Variants in CDH4 observed in about 807,000 individuals in gnomAD.
CDH4 encodes the protein cadherin 4.
Under a neutral mutation model 86.0 loss-of-function variants are expected in CDH4, and 33 were observed. The ratio of observed to expected loss-of-function variants is 0.38; its 90% CI spans 0.29 to 0.51. The LOEUF is 0.51. Ranked by LOEUF, CDH4 falls within the 20% of genes least tolerant of loss-of-function variation. The pLI, the probability that CDH4 is intolerant of heterozygous loss-of-function variation, is 0.86. For synonymous variants in CDH4, 555 were observed against 549.4 expected (o/e 1.01, Z -0.14); for missense variants, 1,114 against 1,307.4 (o/e 0.85, Z 2.28).
At chr20:61,310,759 C>T (rs567918643) in intron 2 of CDH4, among the ~76,000 whole-genome samples, 18 of 152,290 alleles carry the variant, frequency 1.2e-4, no homozygotes, top group Admixed American at 9.2e-4. Flanking sequence ...TGGGGCCTGG[C>T]TCTGTGGCCT....
At chr20:61,548,656 G>C (rs1043829215) in intron 2 of CDH4, among the ~76,000 whole-genome samples, 2 of 152,104 alleles carry the variant, frequency 1.3e-5, no homozygotes, top group East Asian at 1.9e-4. Flanking sequence ...GCCTCTAAAA[G>C]CACCCATTTT....
At chr20:61,362,150 G>A (rs2084786706) in intron 2 of CDH4, among the ~76,000 whole-genome samples, 1 of 152,212 alleles carries the variant, frequency 6.6e-6, no homozygotes, top group Non-Finnish European at 1.5e-5. Context: ...AAAGAGCCAG[G>A]AAGGCAATGA....
chr20:61,331,645 CCCG>C (rs2084578028), intron 2 of CDH4, among the ~76,000 whole-genome samples: 1 of 64,240 alleles, frequency 1.6e-5, no homozygotes, highest in Non-Finnish European at 3.6e-5. Context: ...AGACCCACCT[CCCG>C]CCCCAGCCAC....
In CDH4 at chr20:61,518,379, G is replaced by A. The variant is rs1448038493; in HGVS notation, c.170-225184G>A. Among the ~76,000 whole-genome samples the A allele has an allele frequency of 6.6e-6, 1 of 152,100 alleles. No individual in the cohort carries two copies. The highest frequency in any genetic ancestry group is 2.4e-5 in the African/African-American group (1 of 41,412). Reference sequence around the variant, plus strand: ...GAAAGGTACGTTATCAGATAGGCTGGAATTTGGCCAAATTCTCTGTTATGA... The same window carrying A: ...GAAAGGTACGTTATCAGATAGGCTGAAATTTGGCCAAATTCTCTGTTATGA... On this transcript the variant is annotated intron_variant, in intron 2 of 15. Transcript: ENST00000614565. The surrounding 1 kb of genome is among the most constrained non-coding windows in gnomAD (Gnocchi z 6.3).
intron 2 of CDH4, among the ~76,000 whole-genome samples, chr20:61,473,561 G>T (rs931900611): frequency 4.6e-5 from 7 of 152,098 alleles, no homozygotes; most frequent in African/African-American, 1.7e-4. Flanking sequence ...TTAACCAATA[G>T]AACCATAATT....
chr20:61,933,623 G>A lies in CDH4; in HGVS notation c.2380-433G>A, dbSNP rs111729589. 7.2e-3 allele frequency among the ~76,000 whole-genome samples: 1,091 copies of A among 152,036 alleles called. 13 individuals are homozygous for A. Among genetic ancestry groups the A allele is most frequent in the African/African-American group, 0.024 (1,002 of 41,460 alleles). On this transcript the variant is annotated intron_variant, in intron 14 of 15. Coordinates refer to ENST00000614565, the MANE Select transcript of CDH4 (RefSeq NM_001794.5). Reference sequence around the variant, plus strand: ...CCCCTCCCTGCCCCTCCCACAACACGACCATAACGAACGTGAGGCATGTGC... The same window carrying A: ...CCCCTCCCTGCCCCTCCCACAACACAACCATAACGAACGTGAGGCATGTGC...
At chr20:61,724,471 C>T (rs537703123) in intron 2 of CDH4, among the ~76,000 whole-genome samples, 16 of 152,218 alleles carry the variant, frequency 1.1e-4, no homozygotes, top group African/African-American at 3.4e-4. Context: ...CCCTGCACTC[C>T]CGTGGAGCCC....
chr20:61,668,226 G>T (rs982086500), intron 2 of CDH4, among the ~76,000 whole-genome samples: 1 of 152,218 alleles, frequency 6.6e-6, no homozygotes, highest in Non-Finnish European at 1.5e-5. Context: ...TTTATCTAGC[G>T]GGAGGAGCTG....
chr20:61,623,871 G>C lies in CDH4; in HGVS notation c.170-119692G>C, dbSNP rs2145778274. On this transcript the variant is annotated intron_variant, in intron 2 of 15. Transcript: ENST00000614565. This position sits in a 1 kb window ranked among gnomAD's most constrained non-coding sequence, Gnocchi z 4.4. ...AACACCCCAGAATCTGAGCAGGAAG[G>C]ACACGGTTCCTAGAGCGAGGAACAC... 6.6e-6 allele frequency among the ~76,000 whole-genome samples: 1 copy of C among 151,738 alleles called. No individual in the cohort carries two copies. Among genetic ancestry groups the C allele is most frequent in the Middle Eastern group, 3.4e-3 (1 of 294 alleles).
intron 2 of CDH4, among the ~76,000 whole-genome samples, chr20:61,304,109 G>A (rs993573623): frequency 1.3e-5 from 2 of 152,148 alleles, no homozygotes; most frequent in African/African-American, 2.4e-5. Flanking sequence ...GGAAGGAAAA[G>A]GCCAGGCATT....
chr20:61,681,491 G>A lies in CDH4; in HGVS notation c.170-62072G>A, dbSNP rs540934825. ...TGAGCTCTTGTTCTGAGGGGTGGGA[G>A]AATTAGACAATCCTTGGAACTTGAT... On this transcript the variant is annotated intron_variant, in intron 2 of 15. Transcript: ENST00000614565. This position sits in a 1 kb window ranked among gnomAD's most constrained non-coding sequence, Gnocchi z 4.5. 4.6e-5 allele frequency among the ~76,000 whole-genome samples: 7 copies of A among 152,292 alleles called. No individual in the cohort carries two copies. The highest frequency in any genetic ancestry group is 2.6e-4 in the Admixed American group (4 of 15,294).
chr20:61,536,493 A>G (rs1228640516), intron 2 of CDH4, among the ~76,000 whole-genome samples: 4 of 152,038 alleles, frequency 2.6e-5, no homozygotes, highest in Non-Finnish European at 5.9e-5. Flanking sequence ...GAGGGAGAAA[A>G]GGCTCGTGGG....
At chr20:61,419,111 G>C (rs1268696090) in intron 2 of CDH4, among the ~76,000 whole-genome samples, 2 of 152,240 alleles carry the variant, frequency 1.3e-5, no homozygotes, top group Non-Finnish European at 1.5e-5. Context: ...CAGTGGGTCA[G>C]TGTTTTGTCC....
intron 2 of CDH4, among the ~76,000 whole-genome samples, chr20:61,533,068 C>A (rs953489587): frequency 2.0e-4 from 30 of 152,116 alleles, no homozygotes; most frequent in African/African-American, 7.0e-4. Flanking sequence ...GAGACAGCTT[C>A]AAGGTGAGGA....
chr20:61,675,345 A>G (rs920252178), intron 2 of CDH4, among the ~76,000 whole-genome samples: 1 of 79,974 alleles, frequency 1.3e-5, no homozygotes, highest in Non-Finnish European at 2.5e-5. Flanking sequence ...ACTGCCGTGG[A>G]AACAACCATC....
intron 2 of CDH4, among the ~76,000 whole-genome samples, chr20:61,604,641 TACTG>T (rs994070015): frequency 1.3e-5 from 2 of 152,146 alleles, no homozygotes; most frequent in African/African-American, 2.4e-5. Flanking sequence ...TGTTTGTTCT[TACTG>T]ACGCACTCCT....
intron 2 of CDH4, among the ~76,000 whole-genome samples, chr20:61,494,896 T>C (rs543875336): frequency 6.6e-6 from 1 of 152,388 alleles, no homozygotes; most frequent in Admixed American, 6.5e-5. Context: ...TGCAAATGAC[T>C]GAGCTGACAT....
At chr20:61,590,104 G>T (rs897820150) in intron 2 of CDH4, among the ~76,000 whole-genome samples, 14 of 151,012 alleles carry the variant, frequency 9.3e-5, no homozygotes, top group African/African-American at 3.2e-4. Flanking sequence ...GGAGCAACAG[G>T]AAGCACAGGA....
intron 4 of CDH4, among the ~76,000 whole-genome samples, chr20:61,831,561 G>A (rs1981615516): frequency 6.6e-6 from 1 of 152,190 alleles, no homozygotes; most frequent in African/African-American, 2.4e-5. Flanking sequence ...CTAGCTTCTG[G>A]TCTTATGCTT....
Sources: gnomAD v4.1 joint callset for allele counts (sites outside exome capture counted in the v4.1 genomes callset) on GRCh38, gnomAD v4.1.1 for gene constraint, Gnocchi (gnomAD v3.1) non-coding constraint, MANE v1.5 for transcripts, NCBI Gene and HGNC (gene_info 2026-07-23, HGNC 2026-07-21) for gene names.